STIM2: variants seen among roughly 807,000 people sequenced by gnomAD.
The protein encoded by STIM2 is stromal interaction molecule 2.
Under a neutral mutation model 85.8 loss-of-function variants are expected in STIM2, and 31 were observed. The ratio of observed to expected loss-of-function variants is 0.36; its 90% CI spans 0.27 to 0.49. The LOEUF is 0.49. Ranked by LOEUF, STIM2 falls within the 20% of genes least tolerant of loss-of-function variation. STIM2 has a pLI of 0.98. For synonymous variants in STIM2, 356 were observed against 331.1 expected, an observed-to-expected ratio of 1.08 and a Z score of -0.82; for missense variants, 841 against 927.6, an observed-to-expected ratio of 0.91 and a Z score of 1.21.
At chr4:26,871,981 A>C in intron 1 of STIM2, among the ~76,000 whole-genome samples, 1 of 152,154 alleles carries the variant, frequency 6.6e-6, no homozygotes, top group Non-Finnish European at 1.5e-5. Flanking sequence ...AAATTTCCTT[A>C]TCTCTAAAAT....
At chr4:26,863,508 C>T (rs1722294097) in intron 1 of STIM2, among the ~76,000 whole-genome samples, 1 of 151,968 alleles carries the variant, frequency 6.6e-6, no homozygotes, top group African/African-American at 2.4e-5. Flanking sequence ...AACTATATGG[C>T]CTCTATAGGG....
At chr4:26,888,688 A>C (rs920653919) in intron 1 of STIM2, among the ~76,000 whole-genome samples, 1 of 152,050 alleles carries the variant, frequency 6.6e-6, no homozygotes, top group African/African-American at 2.4e-5. Flanking sequence ...GTCTGGGCAT[A>C]CCCAATTTAA....
chr4:26,991,028 C>T (rs1483229758), intron 3 of STIM2, among the ~76,000 whole-genome samples: 1 of 151,956 alleles, frequency 6.6e-6, no homozygotes, highest in Non-Finnish European at 1.5e-5. Flanking sequence ...ATGGAGGTTT[C>T]TCAAAAAAAC....
chr4:26,995,501 GTTATGCAAATGTATT>G lies in STIM2; in HGVS notation c.509+14_509+28del. 1 of 1,540,522 alleles carries G rather than the reference GTTATGCAAATGTATT, an allele frequency of 6.5e-7. No individual in the cohort carries two copies. Among genetic ancestry groups the G allele is most frequent in the East Asian group, 2.3e-5 (1 of 42,672 alleles). On this transcript the variant is annotated intron_variant, in intron 4 of 11. Transcript: ENST00000467087. Reference sequence around the variant, plus strand: ...AACGACACTTCCCAGGTGAGTCTTTGTTATGCAAATGTATTTTCCACTCAGGGAGAATTATATGCT... The same window carrying G: ...AACGACACTTCCCAGGTGAGTCTTTGTTCCACTCAGGGAGAATTATATGCT...
intron 3 of STIM2, among the ~76,000 whole-genome samples, chr4:26,986,093 CTG>C (rs1247422110): frequency 6.6e-6 from 1 of 152,154 alleles, no homozygotes; most frequent in Non-Finnish European, 1.5e-5. Flanking sequence ...CTTACTTGGT[CTG>C]TGAATTTGAG....
chr4:26,999,485 C>T (rs1411853134), intron 5 of STIM2, 138 bp downstream of exon 5: 1 of 359,484 alleles, frequency 2.8e-6, no homozygotes, highest in Non-Finnish European at 4.9e-6. Context: ...TGTAATACTA[C>T]CTTAAAAGAT....
intron 1 of STIM2, among the ~76,000 whole-genome samples, chr4:26,890,818 C>T (rs6848641): frequency 0.014 from 1,909 of 139,438 alleles, 51 homozygotes; most frequent in African/African-American, 0.05. Context: ...AGCGAGACTC[C>T]GTCTCAAAAA....
intron 10 of STIM2, among the ~76,000 whole-genome samples, chr4:27,011,994 A>G (rs1351876695): frequency 2.0e-5 from 3 of 152,078 alleles, no homozygotes; most frequent in Admixed American, 6.5e-5. Flanking sequence ...TAATCCACCT[A>G]GAAGTTATTT....
At chr4:26,904,072 C>A (rs957487168) in intron 1 of STIM2, among the ~76,000 whole-genome samples, 8 of 150,418 alleles carry the variant, frequency 5.3e-5, no homozygotes, top group East Asian at 2.0e-4. Flanking sequence ...CATTAGGTAT[C>A]TCTCCTAATG....
At chr4:26,936,514 C>T (rs7692953) in intron 2 of STIM2, among the ~76,000 whole-genome samples, 96,022 of 152,044 alleles carry the variant, frequency 0.63, 31,941 homozygotes, top group African/African-American at 0.86. Flanking sequence ...TTCCCTCTTG[C>T]TGAGGCTGTC....
At chr4:27,007,493 C>T in intron 7 of STIM2, 40 bp from the exon 8 acceptor site, 2 of 1,361,452 alleles carry the variant, frequency 1.5e-6, no homozygotes, top group Middle Eastern at 2.0e-4. Flanking sequence ...CTTCCTTCCT[C>T]CCTCTCTCCT....
At chr4:26,997,375 G>T (rs115904399) in intron 4 of STIM2, among the ~76,000 whole-genome samples, 2 of 152,082 alleles carry the variant, frequency 1.3e-5, no homozygotes, top group Non-Finnish European at 2.9e-5. Context: ...GGCTGTAGTG[G>T]TTATCTTAAA....
chr4:26,979,052 C>T lies in STIM2; in HGVS notation c.398-16327C>T, dbSNP rs7696020. On this transcript the variant is annotated intron_variant, in intron 3 of 11. Transcript: ENST00000467087. The stretch of plus-strand genomic sequence containing the variant: ...GAGTGTATCACTTCCTAAATAGAGA[C>T]ATTTTATTAAATCCCATTTTGGTAT... 2.4e-3 allele frequency among the ~76,000 whole-genome samples: 366 copies of T among 152,280 alleles called. 1 individual carries two copies. The highest frequency in any genetic ancestry group is 8.4e-3 in the African/African-American group (350 of 41,558).
intron 5 of STIM2, among the ~76,000 whole-genome samples, chr4:27,001,584 C>T (rs1185720080): frequency 1.3e-5 from 2 of 152,106 alleles, no homozygotes; most frequent in African/African-American, 2.4e-5. Flanking sequence ...GGTTGTCTTG[C>T]GCACTGTAGG....
Position 26,860,950 on chromosome 4 carries a change from C to T in STIM2, c.-269C>T, listed in dbSNP as rs1248808308. Reference sequence around the variant, plus strand: ...TTTTTTTTTTTTTTTTTTAAATAACCGGAACCAATGAACGCAGCCGGGATC... The same window carrying T: ...TTTTTTTTTTTTTTTTTTAAATAACTGGAACCAATGAACGCAGCCGGGATC... On this transcript the variant is annotated 5_prime_UTR_variant, in exon 1 of 12. Coordinates refer to ENST00000467087, the MANE Select transcript of STIM2 (RefSeq NM_020860.4). The T allele has an allele frequency of 4.9e-6, 6 of 1,212,952 alleles. No individual in the cohort carries two copies. The highest frequency in any genetic ancestry group is 7.4e-5 in the East Asian group (1 of 13,556). The allele number at this position is 1,212,952 out of a possible 1,614,324, so 75.1% of individuals were successfully genotyped here. A position where few individuals can be genotyped will look rare whatever the true frequency, so the allele number is the denominator to read the frequency against.
intron 3 of STIM2, among the ~76,000 whole-genome samples, chr4:26,980,393 G>A (rs947461739): frequency 6.6e-6 from 1 of 151,818 alleles, no homozygotes; most frequent in Non-Finnish European, 1.5e-5. Flanking sequence ...TAACTTGTTG[G>A]TTTGTCTCCA....
At chr4:27,021,320 C>T (rs1321247583) in intron 11 of STIM2, 1 of 422,132 alleles carries the variant, frequency 2.4e-6, no homozygotes, top group African/African-American at 2.0e-5. Flanking sequence ...GGGTTGCAAA[C>T]AAAGACAGGT....
intron 3 of STIM2, among the ~76,000 whole-genome samples, chr4:26,973,587 C>T (rs1397962825): frequency 6.6e-6 from 1 of 152,154 alleles, no homozygotes; most frequent in Admixed American, 6.6e-5. Flanking sequence ...AATTTGATCG[C>T]ACTGTGGTCT....
At chr4:26,888,286 A>T (rs574601688) in intron 1 of STIM2, among the ~76,000 whole-genome samples, 1 of 152,242 alleles carries the variant, frequency 6.6e-6, no homozygotes, top group Admixed American at 6.5e-5. Flanking sequence ...TCTGCCTAAC[A>T]TAATATGAAT....
Sources: allele counts gnomAD v4.1 joint callset (sites outside exome capture counted in the v4.1 genomes callset), GRCh38; gene constraint gnomAD v4.1.1; transcripts MANE v1.5; gene names NCBI Gene and HGNC (gene_info 2026-07-23, HGNC 2026-07-21).